The following PCTP variants were observed in gnomAD, a reference collection of about 807,000 sequenced individuals.
The protein encoded by PCTP is START domain-containing protein 2.
In PCTP, 27 loss-of-function variants were observed where a neutral mutation model predicts 31.0. The observed-to-expected ratio is 0.87, with a 90% confidence interval of 0.64 to 1.20. PCTP has a LOEUF of 1.20. Ranked by LOEUF, PCTP falls within the 50% of genes most tolerant of loss-of-function variation. The pLI, the probability that PCTP is intolerant of heterozygous loss-of-function variation, is 0.00. For missense variants in PCTP, 287 were observed against 268.2 expected, an observed-to-expected ratio of 1.07 and a Z score of -0.49; for synonymous variants, 108 against 101.2, an observed-to-expected ratio of 1.07 and a Z score of -0.40.
At chr17:55,824,420 T>C (rs1197424174), downstream of PCTP, among the ~76,000 whole-genome samples, 1 of 152,222 alleles carries the variant, frequency 6.6e-6, no homozygotes, top group Non-Finnish European at 1.5e-5. Flanking sequence ...AGTTATTCCT[T>C]GTTCCATCTC....
At chr17:55,791,035 A>G (rs956959049) in intron 3 of PCTP, among the ~76,000 whole-genome samples, 19 of 151,542 alleles carry the variant, frequency 1.3e-4, no homozygotes, top group African/African-American at 4.4e-4. Context: ...GACAAACCTG[A>G]GAAAAACAAG....
At chr17:55,808,992 T>A (rs895504239) in intron 3 of PCTP, among the ~76,000 whole-genome samples, 1 of 152,228 alleles carries the variant, frequency 6.6e-6, no homozygotes, top group African/African-American at 2.4e-5. Context: ...AAGAAACATC[T>A]ACACAATGCA....
intron 1 of PCTP, among the ~76,000 whole-genome samples, chr17:55,761,416 C>A (rs1447317532): frequency 1.3e-5 from 2 of 151,344 alleles, no homozygotes. Flanking sequence ...GAAGCCTCTG[C>A]CTGGTTTCTT....
intron 1 of PCTP, among the ~76,000 whole-genome samples, chr17:55,762,573 A>T (rs1458271633): frequency 6.6e-6 from 1 of 152,164 alleles, no homozygotes; most frequent in African/African-American, 2.4e-5. Flanking sequence ...AAATTGGACA[A>T]TCAATGACAA....
chr17:55,794,505 A>G (rs902881022), intron 3 of PCTP, among the ~76,000 whole-genome samples: 9 of 151,908 alleles, frequency 5.9e-5, no homozygotes, highest in East Asian at 3.9e-4. Context: ...TTCTCCTTGT[A>G]TATACATCTC....
chr17:55,812,580 C>T (rs1255441236), intron 3 of PCTP, among the ~76,000 whole-genome samples: 1 of 152,184 alleles, frequency 6.6e-6, no homozygotes. Context: ...AAAAATTAAT[C>T]AGACTGTCAA....
intron 3 of PCTP, among the ~76,000 whole-genome samples, chr17:55,799,286 A>G (rs1567724528): frequency 6.6e-6 from 1 of 152,080 alleles, no homozygotes; most frequent in Non-Finnish European, 1.5e-5. Flanking sequence ...AAAAAGGTTA[A>G]AAGTAAAAAT....
chr17:55,803,699 A>G (rs1039473465), intron 3 of PCTP, among the ~76,000 whole-genome samples: 1 of 152,228 alleles, frequency 6.6e-6, no homozygotes, highest in Non-Finnish European at 1.5e-5. Flanking sequence ...TACCGTATAC[A>G]AAAATTAACT....
chr17:55,803,876 A>C (rs904002443), intron 3 of PCTP, among the ~76,000 whole-genome samples: 3 of 148,966 alleles, frequency 2.0e-5, no homozygotes, highest in Non-Finnish European at 4.4e-5. Context: ...AATTAAACTA[A>C]AGAGCTTCTG....
intron 5 of PCTP, among the ~76,000 whole-genome samples, chr17:55,834,998 C>A (rs964615346): frequency 6.6e-6 from 1 of 152,022 alleles, no homozygotes; most frequent in Non-Finnish European, 1.5e-5. Flanking sequence ...AAATCCAATA[C>A]GATTATGGCC....
intron 3 of PCTP, among the ~76,000 whole-genome samples, chr17:55,808,927 T>C (rs987406141): frequency 2.6e-5 from 4 of 152,176 alleles, no homozygotes; most frequent in African/African-American, 7.2e-5. Flanking sequence ...CAATCCCGTA[T>C]TGGCCAGCTA....
At chr17:55,808,482 G>A (rs1912645330) in intron 3 of PCTP, among the ~76,000 whole-genome samples, 2 of 152,156 alleles carry the variant, frequency 1.3e-5, no homozygotes, top group South Asian at 4.1e-4. Flanking sequence ...GAAAAGTCTG[G>A]CAAATAATAT....
downstream of PCTP, among the ~76,000 whole-genome samples, chr17:55,825,236 T>C (rs1042345829): frequency 7.9e-5 from 12 of 152,218 alleles, no homozygotes; most frequent in African/African-American, 2.9e-4. Context: ...GTTAGTTGTT[T>C]GTAGCTTGAG....
At chr17:55,835,266 G>T (rs1239032053) in intron 5 of PCTP, among the ~76,000 whole-genome samples, 1 of 152,154 alleles carries the variant, frequency 6.6e-6, no homozygotes, top group Non-Finnish European at 1.5e-5. Context: ...CAGTTCATGG[G>T]ACTTCATTAT....
Position 55,777,332 on chromosome 17 carries a change from A to G in PCTP, c.*1232A>G. On this transcript the variant is annotated 3_prime_UTR_variant, in exon 6 of 6. Coordinates refer to ENST00000268896, the MANE Select transcript of PCTP (RefSeq NM_021213.4). ...CAGACTGTTTGTTTTCTTTCTGGGA[A>G]GAAAAGTGTGTTCTATAATGAATAA... The G allele has an allele frequency of 1.0e-6, 1 of 985,060 alleles. No individual in the cohort carries two copies. The highest frequency in any genetic ancestry group is 1.1e-4 in the East Asian group (1 of 8,818). The allele number at this position is 985,060 out of a possible 1,614,324, so 61.0% of individuals were successfully genotyped here. A position where few individuals can be genotyped will look rare whatever the true frequency, so the allele number is the denominator to read the frequency against.
intron 5 of PCTP, chr17:55,775,467 C>T (rs35629771): frequency 0.1 from 125,316 of 1,223,432 alleles, 6,707 homozygotes; most frequent in African/African-American, 0.15. Context: ...GTCAAACAGA[C>T]GCAATTTCAA....
chr17:55,776,075 G>T lies in PCTP; in HGVS notation c.620G>T (p.Cys207Phe). 1 of 1,614,066 alleles carries T rather than the reference G, an allele frequency of 6.2e-7. No homozygotes were observed. The highest frequency in any genetic ancestry group is 8.5e-7 in the Non-Finnish European group (1 of 1,179,966). Residue 207 changes from cysteine to phenylalanine, a missense_variant, in exon 6 of 6, where the codon TGT becomes TTT. Physicochemically the swap from Cys to Phe is radical, Grantham distance 205. Transcript: ENST00000268896. ...TTCTTGAAAGACATGGCAAGAGCCT[G>T]TCAGAACTACCTCAAGAAAACCTAA... ...PNFLKDMARA[C>F]QNYLKKT is the part of the protein sequence containing the mutation.
intron 3 of PCTP, among the ~76,000 whole-genome samples, chr17:55,772,168 A>G (rs546079370): frequency 6.6e-6 from 1 of 152,356 alleles, no homozygotes; most frequent in East Asian, 1.9e-4. Flanking sequence ...TGTAGGAGAA[A>G]GGAACCCAGT....
chr17:55,845,018 C>A (rs1227205134), downstream of PCTP, among the ~76,000 whole-genome samples: 1 of 128,188 alleles, frequency 7.8e-6, no homozygotes, highest in Non-Finnish European at 1.6e-5. Context: ...ACCCGGGAGG[C>A]GGAGGTTGCA....
Sources: allele counts gnomAD v4.1 joint callset (sites outside exome capture counted in the v4.1 genomes callset), GRCh38; gene constraint gnomAD v4.1.1; transcripts MANE v1.5; gene names NCBI Gene and HGNC (gene_info 2026-07-23, HGNC 2026-07-21).